SH3RF3: variants seen among roughly 807,000 people sequenced by gnomAD.
The protein encoded by SH3RF3 is E3 ubiquitin-protein ligase SH3RF3.
SH3RF3 carries 29 observed loss-of-function variants against 66.3 expected under a neutral mutation model. The observed-to-expected ratio is 0.44, with a 90% confidence interval of 0.33 to 0.60. The LOEUF (loss-of-function observed/expected upper bound fraction) is 0.60, where lower values mean the gene tolerates loss of function less well. SH3RF3 is among the 20% of genes least tolerant of loss of function. The pLI, the probability that SH3RF3 is intolerant of heterozygous loss-of-function variation, is 0.04. For missense variants in SH3RF3, 1,194 were observed against 1,190.9 expected (o/e 1.00, Z -0.04); for synonymous variants, 583 against 532.0 (o/e 1.10, Z -1.32).
At chr2:109,290,305 T>C (rs1168198089) in intron 1 of SH3RF3, among the ~76,000 whole-genome samples, 2 of 152,226 alleles carry the variant, frequency 1.3e-5, no homozygotes, top group Admixed American at 1.3e-4. Flanking sequence ...ATATAACACA[T>C]TGCCCCCAGG....
Position 109,327,030 on chromosome 2 carries a change from G to A in SH3RF3, c.574-20644G>A, listed in dbSNP as rs372867982. Among the ~76,000 whole-genome samples, 6 of 152,186 alleles carry A rather than the reference G, an allele frequency of 3.9e-5. No homozygotes were observed. The East Asian group carries it at 7.7e-4, about 20-fold the overall frequency. ...TGTTTATGGATTGTCTTTTTCCTTC[G>A]TATTTAATGTCTTTTGATAAATGGA... On this transcript the variant is annotated intron_variant, in intron 1 of 9. Transcript: ENST00000309415.
chr2:109,290,727 G>A (rs1681146646), intron 1 of SH3RF3, among the ~76,000 whole-genome samples: 1 of 152,236 alleles, frequency 6.6e-6, no homozygotes, highest in Non-Finnish European at 1.5e-5. Flanking sequence ...CTGCACTCAA[G>A]GGAGGTGCTG....
chr2:109,368,683 A>G (rs1683197164), intron 2 of SH3RF3, among the ~76,000 whole-genome samples: 1 of 149,140 alleles, frequency 6.7e-6, no homozygotes, highest in Admixed American at 6.7e-5. Flanking sequence ...GTTAGATACC[A>G]GTGTGGATAT....
Position 109,490,659 on chromosome 2 carries a change from A to T in SH3RF3, c.2203A>T (p.Lys735Ter), listed in dbSNP as rs1300805967. The T allele has an allele frequency of 3.3e-6, 5 of 1,509,092 alleles. No individual in the cohort carries two copies. Among genetic ancestry groups the T allele is most frequent in the Admixed American group, 2.1e-5 (1 of 48,152 alleles). 93.5% of individuals were successfully genotyped at this position (1,509,092 alleles called of 1,614,324 possible). Reference sequence around the variant, plus strand: ...TCTAGCCGGAGCATCCACCAAGAAGAAGTCACGCTCCCCGCCATCTGTGTC... The same window carrying T: ...TCTAGCCGGAGCATCCACCAAGAAGTAGTCACGCTCCCCGCCATCTGTGTC... ...KLLAGASTKK[K>*]SRSPPSVSPT... The change falls in exon 9 of 10, where the codon AAG (lysine) becomes TAG (stop). Residue 735 changes from lysine (K) to a stop codon, truncating the protein, a stop_gained. Transcript: ENST00000309415. LOFTEE classifies it high-confidence loss of function.
intron 1 of SH3RF3, among the ~76,000 whole-genome samples, chr2:109,227,728 C>G (rs1481528362): frequency 2.0e-5 from 3 of 152,246 alleles, no homozygotes; most frequent in Non-Finnish European, 4.4e-5. Flanking sequence ...GTGCCAGAAT[C>G]TTGTGCAGTC....
At chr2:109,483,964 C>A (rs923059434) in intron 8 of SH3RF3, among the ~76,000 whole-genome samples, 2 of 152,158 alleles carry the variant, frequency 1.3e-5, no homozygotes, top group Non-Finnish European at 2.9e-5. Context: ...CCCTGTGCCT[C>A]CACCTCTATC....
chr2:109,319,400 G>T (rs1434685645), intron 1 of SH3RF3, among the ~76,000 whole-genome samples: 3 of 152,336 alleles, frequency 2.0e-5, no homozygotes, highest in East Asian at 1.9e-4. Context: ...GGGTCCCGGG[G>T]ATCACCCAGG....
At chr2:109,181,005 T>C (rs1004395023) in intron 1 of SH3RF3, among the ~76,000 whole-genome samples, 1 of 152,192 alleles carries the variant, frequency 6.6e-6, no homozygotes, top group African/African-American at 2.4e-5. Flanking sequence ...CAATCCTACT[T>C]ACCAATTTTC....
chr2:109,453,042 A>G (rs1456952655), intron 8 of SH3RF3, among the ~76,000 whole-genome samples: 2 of 152,108 alleles, frequency 1.3e-5, no homozygotes, highest in African/African-American at 4.8e-5. Flanking sequence ...CTCTGCTGCT[A>G]TATCCAGGGG....
chr2:109,202,828 A>G (rs867671543), intron 1 of SH3RF3, among the ~76,000 whole-genome samples: 3 of 152,246 alleles, frequency 2.0e-5, no homozygotes, highest in Non-Finnish European at 2.9e-5. Flanking sequence ...TTCCCGGGAA[A>G]GGGCCCAACT....
chr2:109,136,641 A>C (rs902607042), intron 1 of SH3RF3, among the ~76,000 whole-genome samples: 2 of 152,208 alleles, frequency 1.3e-5, no homozygotes, highest in African/African-American at 2.4e-5. Flanking sequence ...AAGGAGGCCC[A>C]AGAAGAGTCA....
chr2:109,363,439 C>A (rs1401840787), intron 2 of SH3RF3, among the ~76,000 whole-genome samples: 2 of 152,120 alleles, frequency 1.3e-5, no homozygotes, highest in African/African-American at 4.8e-5. Flanking sequence ...TGTAAACACA[C>A]ACACATAAGC....
chr2:109,380,200 G>A (rs1032741648), intron 3 of SH3RF3, among the ~76,000 whole-genome samples: 2 of 152,106 alleles, frequency 1.3e-5, no homozygotes, highest in African/African-American at 2.4e-5. Context: ...CCTAGGTACC[G>A]GCTCGCCCTG....
At chr2:109,417,218 G>A (rs1337167308) in intron 4 of SH3RF3, among the ~76,000 whole-genome samples, 1 of 152,188 alleles carries the variant, frequency 6.6e-6, no homozygotes, top group African/African-American at 2.4e-5. Context: ...GGAGAGTGAG[G>A]TGACAGCTTC....
chr2:109,181,835 C>A (rs1678081164), intron 1 of SH3RF3, among the ~76,000 whole-genome samples: 1 of 151,882 alleles, frequency 6.6e-6, no homozygotes, highest in African/African-American at 2.4e-5. Flanking sequence ...TTTTCCATGA[C>A]CTACACCTTT....
At chr2:109,390,896 G>A (rs904372826) in intron 3 of SH3RF3, among the ~76,000 whole-genome samples, 6 of 152,318 alleles carry the variant, frequency 3.9e-5, no homozygotes, top group Admixed American at 2.6e-4. Context: ...AGAGGGTCCC[G>A]GCATGAATGC....
At chr2:109,210,177 AG>A (rs1225863366) in intron 1 of SH3RF3, among the ~76,000 whole-genome samples, 3 of 152,240 alleles carry the variant, frequency 2.0e-5, no homozygotes, top group Non-Finnish European at 2.9e-5. Flanking sequence ...TTGTATGGCT[AG>A]ACCACATTTT....
intron 1 of SH3RF3, 124 bp downstream of exon 1, chr2:109,130,237 C>G: frequency 2.1e-6 from 2 of 935,762 alleles, no homozygotes; most frequent in Non-Finnish European, 2.8e-6. Flanking sequence ...GCCCACTCCG[C>G]TGTTGCTCTT....
chr2:109,149,679 T>G (rs1268581456), intron 1 of SH3RF3, among the ~76,000 whole-genome samples: 1 of 152,192 alleles, frequency 6.6e-6, no homozygotes, highest in Non-Finnish European at 1.5e-5. Flanking sequence ...AGCAGCAACG[T>G]TGCAGAGAGC....
Sources: allele counts gnomAD v4.1 joint callset (sites outside exome capture counted in the v4.1 genomes callset), GRCh38; gene constraint gnomAD v4.1.1; transcripts MANE v1.5; gene names NCBI Gene and HGNC (gene_info 2026-07-23, HGNC 2026-07-21).